The following BCAT1 variants were observed in gnomAD, a reference collection of about 807,000 sequenced individuals.
BCAT1 encodes the protein branched-chain-amino-acid aminotransferase, cytosolic.
A neutral mutation model predicts 52.4 loss-of-function variants in BCAT1; 48 were observed. The ratio of observed to expected loss-of-function variants is 0.92; its 90% CI spans 0.73 to 1.16. The LOEUF is 1.16. Ranked by LOEUF, BCAT1 falls within the 50% of genes most tolerant of loss-of-function variation. BCAT1 has a pLI of 0.00. For synonymous variants in BCAT1, 167 were observed against 161.3 expected (o/e 1.04, Z -0.27); for missense variants, 451 against 457.1 (o/e 0.99, Z 0.12).
rs115470987 is a variant in BCAT1, at chr12:24,816,574, C to A, written c.*1434G>T. On this transcript the variant is annotated 3_prime_UTR_variant, in exon 11 of 11. Coordinates refer to ENST00000261192, the MANE Select transcript of BCAT1 (RefSeq NM_005504.7). Reference sequence around the variant, plus strand: ...AACAGAGTATAAAAATCAGAGTATGCCTCTTTGTTTTCTACCAAAAAAAAA... The same window carrying A: ...AACAGAGTATAAAAATCAGAGTATGACTCTTTGTTTTCTACCAAAAAAAAA... The A allele has an allele frequency of 3.0e-3, 1,171 of 386,088 alleles. 12 individuals are homozygous for A. Among genetic ancestry groups the A allele is most frequent in the African/African-American group, 0.024 (1,081 of 45,342 alleles). 23.9% of individuals were successfully genotyped at this position (386,088 alleles called of 1,614,324 possible). A position where few individuals can be genotyped will look rare whatever the true frequency, so the allele number is the denominator to read the frequency against.
rs866504358 is a variant in BCAT1, at chr12:24,813,870, A to T, written c.*4138T>A. The T allele has an allele frequency of 6.6e-6, 1 of 152,152 alleles. No individual in the cohort carries two copies. Among genetic ancestry groups the T allele is most frequent in the South Asian group, 2.1e-4 (1 of 4,830 alleles). The allele number at this position is 152,152 out of a possible 1,614,324, so 9.4% of individuals were successfully genotyped here. The stretch of plus-strand genomic sequence containing the variant: ...TGCTTTTATAGCTACAATCAGTTCA[A>T]GTAGTAGAATACAAACTCCATGAGG... On this transcript the variant is annotated 3_prime_UTR_variant, in exon 11 of 11. Transcript: ENST00000261192.
At chr12:24,859,444 C>A (rs182610621) in intron 5 of BCAT1, among the ~76,000 whole-genome samples, 1,737 of 152,010 alleles carry the variant, frequency 0.011, 15 homozygotes, top group Non-Finnish European at 0.019. Context: ...CATGGTGAAA[C>A]CCCGTCTCTA....
At chr12:24,856,514 C>T (rs1020711445) in intron 5 of BCAT1, among the ~76,000 whole-genome samples, 4 of 136,698 alleles carry the variant, frequency 2.9e-5, no homozygotes, top group Non-Finnish European at 6.4e-5. Flanking sequence ...ATCCATAGGC[C>T]TGCTGTCCTT....
intron 1 of BCAT1, among the ~76,000 whole-genome samples, chr12:24,936,791 T>G (rs551382396): frequency 2.0e-5 from 3 of 148,710 alleles, no homozygotes; most frequent in African/African-American, 7.3e-5. Flanking sequence ...TGGCATCTCC[T>G]TCTCTGATTC....
At chr12:24,929,334 C>G (rs1591884420) in intron 1 of BCAT1, among the ~76,000 whole-genome samples, 1 of 152,244 alleles carries the variant, frequency 6.6e-6, no homozygotes, top group Non-Finnish European at 1.5e-5. Context: ...TTTAGGTTGG[C>G]ACATCCAACA....
chr12:24,865,962 G>A (rs1002707635), intron 5 of BCAT1, among the ~76,000 whole-genome samples: 1 of 152,308 alleles, frequency 6.6e-6, no homozygotes, highest in East Asian at 1.9e-4. Context: ...CGGCCTCGGC[G>A]CCCATTCTGA....
intron 7 of BCAT1, among the ~76,000 whole-genome samples, chr12:24,836,833 G>A (rs1235094536): frequency 7.5e-6 from 1 of 133,298 alleles, no homozygotes. Context: ...AAGGAAGGAA[G>A]GAAGGAGAGA....
At position 24,832,821 on chromosome 12, in the gene BCAT1, A is replaced by G. The variant is rs967546439; in HGVS notation, c.946T>C (p.Leu316=). ...VSERYLTMDD[L]TTALEGNRVR... ...CTGTTCCCCTCCAGGGCTGTTGTCAAGTCATCCATGGTGAGGTATCTCTCT... is the reference window on the plus strand; with the variant it reads ...CTGTTCCCCTCCAGGGCTGTTGTCAGGTCATCCATGGTGAGGTATCTCTCT... Residue 316 remains leucine, a synonymous_variant, in exon 9 of 11, where the codon TTG becomes CTG. Transcript: ENST00000261192. 1.5e-5 allele frequency: 24 copies of G among 1,612,422 alleles called. No homozygotes were observed. In the Admixed American group the frequency reaches 1.7e-4, roughly 11 times the overall value.
chr12:24,943,520 T>C (rs1353989435), intron 1 of BCAT1, among the ~76,000 whole-genome samples: 6 of 94,030 alleles, frequency 6.4e-5, no homozygotes, highest in Admixed American at 3.3e-4. Context: ...AAAAAAAAAT[T>C]TACAAAGTGG....
chr12:24,888,049 G>T (rs1942733057), intron 3 of BCAT1, among the ~76,000 whole-genome samples: 1 of 152,160 alleles, frequency 6.6e-6, no homozygotes, highest in Non-Finnish European at 1.5e-5. Flanking sequence ...AAGTCAGGTT[G>T]ACATTCAATC....
At chr12:24,866,635 A>G (rs1277380611) in intron 5 of BCAT1, among the ~76,000 whole-genome samples, 1 of 152,186 alleles carries the variant, frequency 6.6e-6, no homozygotes, top group Admixed American at 6.5e-5. Flanking sequence ...GGCGCTCTGT[A>G]TCTAGCTCAA....
chr12:24,847,591 AT>A (rs1220566380), intron 6 of BCAT1, among the ~76,000 whole-genome samples: 27 of 152,304 alleles, frequency 1.8e-4, no homozygotes, highest in African/African-American at 6.3e-4. Flanking sequence ...GCACGTGTGC[AT>A]GTGCAAGAGA....
At chr12:24,869,040 G>A (rs1490458725) in intron 5 of BCAT1, among the ~76,000 whole-genome samples, 2 of 152,182 alleles carry the variant, frequency 1.3e-5, no homozygotes, top group East Asian at 3.8e-4. Flanking sequence ...TCTGTAGCTG[G>A]TAAACCTATG....
chr12:24,939,086 C>T (rs1170901852), intron 1 of BCAT1, among the ~76,000 whole-genome samples: 1 of 152,162 alleles, frequency 6.6e-6, no homozygotes, highest in East Asian at 1.9e-4. Flanking sequence ...GTTGGTCAGG[C>T]TAGTCTCGAA....
At position 24,830,447 on chromosome 12, in the gene BCAT1, A is replaced by C. The variant is rs1412306548; in HGVS notation, c.1045-550T>G. The C allele has an allele frequency of 2.6e-4, 40 of 152,238 alleles. 1 individual carries two copies. The highest frequency in any genetic ancestry group is 2.6e-3 in the Admixed American group (40 of 15,284). 9.4% of individuals were successfully genotyped at this position (152,238 alleles called of 1,614,324 possible). On this transcript the variant is annotated intron_variant, in intron 9 of 10. Coordinates refer to ENST00000261192, the MANE Select transcript of BCAT1 (RefSeq NM_005504.7). ...GGGGCCACTACCTCCACAATATTGGATAGCATGATTAAATGCATGGCTGAA... is the reference window on the plus strand; with the variant it reads ...GGGGCCACTACCTCCACAATATTGGCTAGCATGATTAAATGCATGGCTGAA...
chr12:24,882,597 AT>A (rs67802372), intron 3 of BCAT1, among the ~76,000 whole-genome samples: 2,259 of 146,410 alleles, frequency 0.015, 15 homozygotes, highest in Non-Finnish European at 0.025. Context: ...TTTATTATTT[AT>A]TTTTTTTTTT....
At position 24,811,918 on chromosome 12, in the gene BCAT1, A is replaced by G. The variant is rs1939699116; in HGVS notation, c.*6090T>C. ...TAAAAACTACTTCCTCGAACTACTT[A>G]TTTTTCCTCAGCCACAAGTAAGCGC... On this transcript the variant is annotated 3_prime_UTR_variant, in exon 11 of 11. Transcript: ENST00000261192. 3 of 152,054 alleles carry G rather than the reference A, an allele frequency of 2.0e-5. No homozygotes were observed. The South Asian group carries it at 6.2e-4, about 31-fold the overall frequency. The allele number at this position is 152,054 out of a possible 1,614,324, so 9.4% of individuals were successfully genotyped here. A position where few individuals can be genotyped will look rare whatever the true frequency, so the allele number is the denominator to read the frequency against.
chr12:24,858,510 A>G (rs1246613140), intron 5 of BCAT1, among the ~76,000 whole-genome samples: 1 of 152,072 alleles, frequency 6.6e-6, no homozygotes, highest in African/African-American at 2.4e-5. Flanking sequence ...TAATTGTTCA[A>G]CTCACCTGCT....
chr12:24,933,257 C>T (rs1193830204), intron 1 of BCAT1, among the ~76,000 whole-genome samples: 1 of 151,932 alleles, frequency 6.6e-6, no homozygotes, highest in Non-Finnish European at 1.5e-5. Context: ...GTGTGCACCA[C>T]TGTGCCTGGC....
Sources: gnomAD v4.1 joint callset for allele counts (sites outside exome capture counted in the v4.1 genomes callset) on GRCh38, gnomAD v4.1.1 for gene constraint, MANE v1.5 for transcripts, NCBI Gene and HGNC (gene_info 2026-07-23, HGNC 2026-07-21) for gene names.